The following GREB1 variants were observed in gnomAD, a reference collection of about 807,000 sequenced individuals.
GREB1 encodes the protein growth regulating estrogen receptor binding 1, also known as protein GREB1.
GREB1 carries 106 observed loss-of-function variants against 200.7 expected under a neutral mutation model. That is an observed-to-expected ratio of 0.53 (90% CI 0.45 to 0.62). The LOEUF is 0.62. Among genes scored for constraint, GREB1 ranks in the 20% least tolerant of loss-of-function variants. GREB1 has a pLI of 0.00. For missense variants in GREB1, 2,243 were observed against 2,556.8 expected (o/e 0.88, Z 2.65); for synonymous variants, 1,132 against 1,092.4 (o/e 1.04, Z -0.72).
In GREB1 at chr2:11,586,080, C is replaced by G. The variant is rs573286589; in HGVS notation, c.1159+175C>G. Among the ~76,000 whole-genome samples the G allele has an allele frequency of 2.6e-5, 4 of 152,292 alleles. No individual in the cohort carries two copies. In the South Asian group the frequency reaches 8.3e-4, roughly 32 times the overall value. On this transcript the variant is annotated intron_variant, in intron 9 of 32. Coordinates refer to ENST00000381486, the MANE Select transcript of GREB1 (RefSeq NM_014668.4). ...AGGCAGAGCCAGTCACTAGCTCAGC[C>G]CCTGATCAGATGCCAAGAATGATGG...
rs770872420 is a variant in GREB1 at position 11,632,948 on chromosome 2, C to T, written c.4876C>T (p.Arg1626Trp). 9 of 1,614,008 alleles carry T rather than the reference C, an allele frequency of 5.6e-6. No homozygotes were observed. The highest frequency in any genetic ancestry group is 1.7e-5 in the Admixed American group (1 of 60,000). Residue 1626 changes from arginine to tryptophan, a missense_variant, in exon 28 of 33, where the codon CGG becomes TGG. Coordinates refer to ENST00000381486, the MANE Select transcript of GREB1 (RefSeq NM_014668.4). ...SYHNLELERN[R>W]QEELGIKPQD... ...CCATAACCTGGAGCTCGAGCGGAAC[C>T]GGCAGGAGGAGCTGGGAATCAAGCC...
chr2:11,586,873 C>T (rs1284434282), intron 9 of GREB1, among the ~76,000 whole-genome samples: 1 of 152,162 alleles, frequency 6.6e-6, no homozygotes, highest in African/African-American at 2.4e-5. Context: ...CACTGTCTAC[C>T]TCAAATGAAG....
rs1255305616 is a variant in GREB1, at chr2:11,640,974, T to C, written c.*520T>C. The C allele has an allele frequency of 6.5e-6, 1 of 153,604 alleles. No homozygotes were observed. Among genetic ancestry groups the C allele is most frequent in the East Asian group, 1.9e-4 (1 of 5,208 alleles). 9.5% of individuals were successfully genotyped at this position (153,604 alleles called of 1,614,324 possible). On this transcript the variant is annotated 3_prime_UTR_variant, in exon 33 of 33. Coordinates refer to ENST00000381486, the MANE Select transcript of GREB1 (RefSeq NM_014668.4). This position sits in a 1 kb window ranked among gnomAD's most constrained non-coding sequence, Gnocchi z 4.6. ...TAACAATTATTTAATTGCCTATAAG[T>C]TTGCTGTTTCAGAGGCTAGCCCAAA...
rs559080017 is a variant in GREB1, at chr2:11,576,388, G to A, written c.490G>A (p.Gly164Ser). The A allele has an allele frequency of 6.2e-7, 1 of 1,613,822 alleles. No individual in the cohort carries two copies. Among genetic ancestry groups the A allele is most frequent in the South Asian group, 1.1e-5 (1 of 91,006 alleles). ...SGNCVGCGKK[G>S]FCYFTEFSNH... ...GAATTGTGTTGGCTGTGGAAAGAAA[G>A]GCTTCTGTTACTTCACGGAATTCTC... The change falls in exon 5 of 33, where the codon GGC becomes AGC. Residue 164 changes from glycine to serine, a missense_variant. Physicochemically the swap from Gly to Ser is moderately conservative, Grantham distance 56. This residue lies in a region of GREB1 where 1,178 missense variants were observed against 1,387.4 expected (regional missense o/e 0.85). Coordinates refer to ENST00000381486, the MANE Select transcript of GREB1 (RefSeq NM_014668.4).
intron 1 of GREB1, among the ~76,000 whole-genome samples, chr2:11,501,898 T>TG (rs1673051813): frequency 3.0e-5 from 1 of 33,010 alleles, no homozygotes; most frequent in South Asian, 9.1e-4. Flanking sequence ...ATTTCCTGTT[T>TG]TTTTTTGTTT....
rs780491337 is a variant in GREB1 at position 11,562,480 on chromosome 2, A to C, written c.175A>C (p.Asn59His). Residue 59 changes from asparagine to histidine, a missense_variant, in exon 3 of 33, where the codon AAT becomes CAT. Around this residue, in one of 3 missense-constraint regions of GREB1, gnomAD observed 1,178 missense variants for 1,387.4 expected, o/e 0.85. Coordinates refer to ENST00000381486, the MANE Select transcript of GREB1 (RefSeq NM_014668.4). ...GCATCTAGGTGGTAGCCGAGTGGAC[A>C]ATGAGGAAGAGGAAGAAGAGGGAGA... ...AALEGGSRVD[N>H]EEEEEEGEGG... The C allele has an allele frequency of 6.2e-6, 10 of 1,611,588 alleles. No homozygotes were observed. Among genetic ancestry groups the C allele is most frequent in the Non-Finnish European group, 7.6e-6 (9 of 1,178,838 alleles).
chr2:11,593,771 T>C (rs1328794743), intron 11 of GREB1, among the ~76,000 whole-genome samples: 1 of 151,720 alleles, frequency 6.6e-6, no homozygotes, highest in Non-Finnish European at 1.5e-5. Flanking sequence ...GCCCGGCCAA[T>C]TGATTTAATT....
chr2:11,562,753 C>A, intron 3 of GREB1, 171 bp downstream of exon 3: 2 of 639,290 alleles, frequency 3.1e-6, no homozygotes, highest in Non-Finnish European at 4.9e-6. Flanking sequence ...GGTGCTGGCC[C>A]GGCCTGCCCT....
chr2:11,563,932 G>A (rs1212939925), intron 3 of GREB1, among the ~76,000 whole-genome samples: 2 of 152,180 alleles, frequency 1.3e-5, no homozygotes, highest in East Asian at 3.9e-4. Context: ...AGGGGTGCAT[G>A]GAGCAGAGGA....
chr2:11,573,180 T>A (rs547676912), intron 4 of GREB1, among the ~76,000 whole-genome samples: 52 of 152,260 alleles, frequency 3.4e-4, no homozygotes, highest in African/African-American at 1.2e-3. Flanking sequence ...GATGTAGTTG[T>A]CCTCTCAGCA....
chr2:11,566,263 C>T (rs564409367), intron 3 of GREB1, among the ~76,000 whole-genome samples: 7 of 152,260 alleles, frequency 4.6e-5, no homozygotes, highest in South Asian at 2.1e-4. Context: ...GTGATCCTCC[C>T]GACTTGGCTT....
At position 11,633,043 on chromosome 2, in the gene GREB1, C is replaced by T; in HGVS notation, c.4971C>T (p.Asn1657=). The part of the protein sequence containing the change: ...SCVMWNVVDV[N]SAGERSREFS... ...TGATGTGGAACGTGGTGGATGTCAA[C>T]TCTGCTGGGGAGAGAAGCAGGTGAG... The change falls in exon 28 of 33, where the codon AAC becomes AAT. Residue 1657 remains asparagine, a synonymous_variant. Coordinates refer to ENST00000381486, the MANE Select transcript of GREB1 (RefSeq NM_014668.4). The surrounding 1 kb of genome is among the most constrained non-coding windows in gnomAD (Gnocchi z 4.1). 6.2e-7 allele frequency: 1 copy of T among 1,614,166 alleles called. No individual in the cohort carries two copies. The highest frequency in any genetic ancestry group is 8.5e-7 in the Non-Finnish European group (1 of 1,180,020).
At chr2:11,531,992 T>C (rs1458165558), upstream of GREB1, among the ~76,000 whole-genome samples, 2 of 152,240 alleles carry the variant, frequency 1.3e-5, no homozygotes, top group Non-Finnish European at 2.9e-5. Flanking sequence ...TACCGCTTTC[T>C]CTCTTTATAT....
intron 1 of GREB1, among the ~76,000 whole-genome samples, chr2:11,485,368 G>A (rs1672633673): frequency 1.3e-5 from 2 of 150,972 alleles, no homozygotes; most frequent in East Asian, 1.9e-4. Flanking sequence ...CTGTTTCCTG[G>A]GTTCAAGTGA....
chr2:11,506,166 C>T (rs539502971), intron 1 of GREB1, among the ~76,000 whole-genome samples: 2 of 152,334 alleles, frequency 1.3e-5, no homozygotes, highest in African/African-American at 4.8e-5. Context: ...ACGGGCCTAA[C>T]ATTCTCTGTG....
chr2:11,556,218 T>A (rs1676417189), intron 1 of GREB1: 1 of 154,278 alleles, frequency 6.5e-6, no homozygotes, highest in South Asian at 2.1e-4. Context: ...TCATTTGCCG[T>A]CACTTACAAG....
At chr2:11,523,319 A>C (rs989184079) in intron 1 of GREB1, among the ~76,000 whole-genome samples, 4 of 150,968 alleles carry the variant, frequency 2.6e-5, no homozygotes, top group African/African-American at 7.3e-5. Context: ...TCTGTGCAAA[A>C]CCCCCCCCAT....
intron 2 of GREB1, among the ~76,000 whole-genome samples, chr2:11,557,480 T>C (rs1676541937): frequency 6.6e-6 from 1 of 152,184 alleles, no homozygotes; most frequent in Admixed American, 6.6e-5. Context: ...AAACAAAAAT[T>C]AATAAACTAG....
chr2:11,622,980 G>C (rs571360566), intron 23 of GREB1, among the ~76,000 whole-genome samples: 23 of 152,366 alleles, frequency 1.5e-4, no homozygotes, highest in Middle Eastern at 3.4e-3. Context: ...TGTGTCAAGA[G>C]CCTTGCAGAT....
Sources: gnomAD v4.1 joint callset for allele counts (sites outside exome capture counted in the v4.1 genomes callset) on GRCh38, gnomAD v4.1.1 for gene constraint, gnomAD v4.1.1 regional missense constraint, Gnocchi (gnomAD v3.1) non-coding constraint, MANE v1.5 for transcripts, NCBI Gene and HGNC (gene_info 2026-07-23, HGNC 2026-07-21) for gene names.